Variants in CYB5R4 observed in about 807,000 individuals in gnomAD.
CYB5R4 encodes the protein cytochrome b5 reductase 4.
CYB5R4 carries 55 observed loss-of-function variants against 70.2 expected under a neutral mutation model. That is an observed-to-expected ratio of 0.78 (90% CI 0.63 to 0.98). The LOEUF is 0.98. Among genes scored for constraint, CYB5R4 ranks in the 50% least tolerant of loss-of-function variants. The pLI, the probability that CYB5R4 is intolerant of heterozygous loss-of-function variation, is 0.00. For synonymous variants in CYB5R4, 197 were observed against 199.5 expected, an observed-to-expected ratio of 0.99 and a Z score of 0.11; for missense variants, 562 against 612.6, an observed-to-expected ratio of 0.92 and a Z score of 0.87.
chr6:83,947,119 A>G (rs2099470740), intron 14 of CYB5R4, among the ~76,000 whole-genome samples: 2 of 152,224 alleles, frequency 1.3e-5, no homozygotes, highest in African/African-American at 2.4e-5. Flanking sequence ...AGCAAAAAGA[A>G]CAAAGCTGGA....
In CYB5R4 at chr6:83,936,344, T is replaced by C. The variant is rs2099468924; in HGVS notation, c.1076T>C (p.Leu359Pro). The C allele has an allele frequency of 1.2e-6, 2 of 1,611,046 alleles. No homozygotes were observed. Among genetic ancestry groups the C allele is most frequent in the Non-Finnish European group, 1.7e-6 (2 of 1,179,152 alleles). ...YFLIKIYPTG[L>P]FTPELDRLQI... Reference sequence around the variant, plus strand: ...TTGATAAAAATCTATCCCACTGGACTCTTCACACCAGAGCTTGATCGTCTT... The same window carrying C: ...TTGATAAAAATCTATCCCACTGGACCCTTCACACCAGAGCTTGATCGTCTT... The change falls in exon 12 of 16, where the codon CTC (leucine) becomes CCC (proline). Residue 359 changes from leucine to proline, a missense_variant. Leu to Pro is a moderately conservative substitution (Grantham distance 98). Transcript: ENST00000369681.
chr6:83,873,370 G>A (rs2099457973), intron 2 of CYB5R4, among the ~76,000 whole-genome samples: 1 of 150,450 alleles, frequency 6.6e-6, no homozygotes, highest in African/African-American at 2.5e-5. Flanking sequence ...CTCCCAAGTA[G>A]CTGGGATTAC....
intron 2 of CYB5R4, among the ~76,000 whole-genome samples, chr6:83,869,948 A>G (rs1312831445): frequency 6.6e-6 from 1 of 152,194 alleles, no homozygotes; most frequent in East Asian, 1.9e-4. Context: ...GTGCTGTGGC[A>G]AGAAAGCTGT....
intron 15 of CYB5R4, among the ~76,000 whole-genome samples, chr6:83,956,541 C>G (rs1220466164): frequency 2.0e-5 from 3 of 151,938 alleles, no homozygotes; most frequent in Non-Finnish European, 2.9e-5. Flanking sequence ...CAGTGGCTGC[C>G]CTTAGAGATA....
Position 83,940,176 on chromosome 6 carries a change from A to G in CYB5R4, c.1229A>G (p.Asn410Ser), listed in dbSNP as rs781669662. ...TGFTPMVKIL[N>S]YALTDIPSLR... ...TTCACACCAATGGTTAAAATACTGA[A>G]TTATGCTTTGACTGATATACCCAGT... is the stretch of plus-strand genomic sequence containing the variant. Residue 410 changes from asparagine to serine, a missense_variant, in exon 13 of 16, where the codon AAT becomes AGT. Asn to Ser is a conservative substitution (Grantham distance 46, BLOSUM62 1). Transcript: ENST00000369681. 2.5e-6 allele frequency: 4 copies of G among 1,609,850 alleles called. No homozygotes were observed.
intron 15 of CYB5R4, among the ~76,000 whole-genome samples, chr6:83,957,155 G>T (rs1261230371): frequency 6.6e-6 from 1 of 151,548 alleles, no homozygotes; most frequent in Non-Finnish European, 1.5e-5. Flanking sequence ...GTAAACTTTT[G>T]CTCTTTTAAA....
At chr6:83,890,976 CTG>C (rs75544460) in intron 2 of CYB5R4, among the ~76,000 whole-genome samples, 23,332 of 152,068 alleles carry the variant, frequency 0.15, 3,474 homozygotes, top group African/African-American at 0.37. Flanking sequence ...CAGGGCCTCA[CTG>C]TTTTTTCTGG....
intron 1 of CYB5R4, among the ~76,000 whole-genome samples, chr6:83,862,175 T>G (rs1036390941): frequency 6.6e-6 from 1 of 152,248 alleles, no homozygotes; most frequent in Non-Finnish European, 1.5e-5. Flanking sequence ...AGCACAGCCT[T>G]GGTAAGCACC....
At chr6:83,871,465 CCTT>C (rs911954860) in intron 2 of CYB5R4, among the ~76,000 whole-genome samples, 1 of 152,140 alleles carries the variant, frequency 6.6e-6, no homozygotes, top group African/African-American at 2.4e-5. Context: ...TCCTTCTCCT[CCTT>C]TTTTTCACTT....
intron 3 of CYB5R4, among the ~76,000 whole-genome samples, chr6:83,906,921 C>A (rs1313551011): frequency 6.6e-6 from 1 of 151,982 alleles, no homozygotes; most frequent in Non-Finnish European, 1.5e-5. Context: ...TATTGATTTT[C>A]CTTTGCCGGT....
chr6:83,931,244 C>G (rs565451231), intron 10 of CYB5R4, among the ~76,000 whole-genome samples: 3 of 152,326 alleles, frequency 2.0e-5, no homozygotes, highest in Admixed American at 2.0e-4. Flanking sequence ...ACGCTAATAG[C>G]GTCTTACTCC....
chr6:83,889,276 A>T (rs984651514), intron 2 of CYB5R4, among the ~76,000 whole-genome samples: 2 of 152,216 alleles, frequency 1.3e-5, no homozygotes, highest in Non-Finnish European at 2.9e-5. Flanking sequence ...TTGGCTAAAG[A>T]TGCCACGTAG....
At chr6:83,941,474 A>T (rs1262261798) in intron 14 of CYB5R4, among the ~76,000 whole-genome samples, 4 of 152,226 alleles carry the variant, frequency 2.6e-5, no homozygotes, top group Admixed American at 2.0e-4. Context: ...ATGTATGTAT[A>T]TGAAAGGATG....
chr6:83,917,452 A>G (rs1252109048), intron 5 of CYB5R4, among the ~76,000 whole-genome samples: 1 of 152,108 alleles, frequency 6.6e-6, no homozygotes, highest in East Asian at 1.9e-4. Context: ...GTGTATAATA[A>G]CTCCAAACTG....
intron 3 of CYB5R4, among the ~76,000 whole-genome samples, chr6:83,906,352 T>C (rs1040104085): frequency 1.3e-5 from 2 of 152,158 alleles, no homozygotes; most frequent in Non-Finnish European, 2.9e-5. Context: ...GTGTGCAGTT[T>C]GTTGGGGCTA....
intron 2 of CYB5R4, among the ~76,000 whole-genome samples, chr6:83,873,211 T>A (rs1417402091): frequency 2.0e-5 from 3 of 151,920 alleles, no homozygotes; most frequent in African/African-American, 7.3e-5. Context: ...ACATTGCTAG[T>A]TAAGAATCAT....
chr6:83,923,407 T>G (rs1008343824), intron 9 of CYB5R4, among the ~76,000 whole-genome samples: 1 of 152,206 alleles, frequency 6.6e-6, no homozygotes, highest in African/African-American at 2.4e-5. Flanking sequence ...TTTATTTTGG[T>G]TAAGCTTCAA....
intron 2 of CYB5R4, among the ~76,000 whole-genome samples, chr6:83,869,940 G>T (rs9444105): frequency 0.15 from 23,380 of 152,106 alleles, 3,510 homozygotes; most frequent in African/African-American, 0.37. Context: ...GTGCTGAAGT[G>T]CTGTGGCAAG....
chr6:83,922,619 C>CTTTTT, intron 9 of CYB5R4, 149 bp downstream of exon 9: 1 of 546,574 alleles, frequency 1.8e-6, no homozygotes, highest in East Asian at 3.2e-5. Context: ...GATGTTTTCT[C>CTTTTT]TTTTTTTTTT....
Sources: allele counts gnomAD v4.1 joint callset (sites outside exome capture counted in the v4.1 genomes callset), GRCh38; gene constraint gnomAD v4.1.1; transcripts MANE v1.5; gene names NCBI Gene and HGNC (gene_info 2026-07-23, HGNC 2026-07-21).